The following WWOX variants were observed in gnomAD, a reference collection of about 807,000 sequenced individuals.
WWOX encodes the protein WW domain-containing oxidoreductase.
A neutral mutation model predicts 46.2 loss-of-function variants in WWOX; 69 were observed. The observed-to-expected ratio is 1.49, with a 90% confidence interval of 1.23 to 1.82. The LOEUF is 1.82. Among genes scored for constraint, WWOX ranks in the 40% most tolerant of loss-of-function variants. WWOX has a pLI of 0.00. For synonymous variants in WWOX, 359 were observed against 202.6 expected, an observed-to-expected ratio of 1.77 and a Z score of -6.56; for missense variants, 919 against 542.6, an observed-to-expected ratio of 1.69 and a Z score of -6.89.
Position 78,731,543 on chromosome 16 carries a change from A to G in WWOX, c.1056+298791A>G, listed in dbSNP as rs183768338. On this transcript the variant is annotated intron_variant, in intron 8 of 8. Coordinates refer to ENST00000566780, the MANE Select transcript of WWOX (RefSeq NM_016373.4). The stretch of plus-strand genomic sequence containing the variant: ...TTTTTCCTTTCATTCCTTCTTATCT[A>G]TCCCTTTCTTACCTTCTTTATTTCC... 3.3e-5 allele frequency among the ~76,000 whole-genome samples: 5 copies of G among 152,068 alleles called. No individual in the cohort carries two copies. In the South Asian group the frequency reaches 8.3e-4, roughly 25 times the overall value.
intron 8 of WWOX, among the ~76,000 whole-genome samples, chr16:78,616,314 C>G (rs527548700): frequency 6.6e-6 from 1 of 151,974 alleles, no homozygotes; most frequent in Non-Finnish European, 1.5e-5. Context: ...ATATAAACAA[C>G]GGAAATGTAT....
chr16:78,191,900 T>A (rs2151764497), intron 5 of WWOX, among the ~76,000 whole-genome samples: 1 of 152,332 alleles, frequency 6.6e-6, no homozygotes, highest in East Asian at 1.9e-4. Flanking sequence ...TATTTTTAAA[T>A]TAATCTATTT....
intron 8 of WWOX, among the ~76,000 whole-genome samples, chr16:79,147,715 C>G (rs1333022614): frequency 6.6e-6 from 1 of 152,142 alleles, no homozygotes; most frequent in Non-Finnish European, 1.5e-5. Context: ...ATTTGGTGAT[C>G]TAGTTTCACT....
chr16:79,090,284 T>TGTGC (rs1424634197), intron 8 of WWOX, among the ~76,000 whole-genome samples: 1 of 104,150 alleles, frequency 9.6e-6, no homozygotes, highest in African/African-American at 4.7e-5. Context: ...TGTGTGCGTG[T>TGTGC]GTGTGTGTGT....
intron 6 of WWOX, among the ~76,000 whole-genome samples, chr16:78,413,606 ACTT>A (rs1311681562): frequency 1.3e-5 from 2 of 151,792 alleles, no homozygotes; most frequent in African/African-American, 2.4e-5. Context: ...GGCTATTTTC[ACTT>A]CTTTTGTGGA....
chr16:78,946,303 T>C (rs1986594), intron 8 of WWOX, among the ~76,000 whole-genome samples: 63,059 of 151,806 alleles, frequency 0.42, 13,205 homozygotes, highest in East Asian at 0.46. Context: ...GATTCTCCTG[T>C]CTCAGTCTCC....
chr16:78,135,652 G>A (rs1245159283), intron 4 of WWOX, among the ~76,000 whole-genome samples: 2 of 150,890 alleles, frequency 1.3e-5, no homozygotes, highest in Non-Finnish European at 2.9e-5. Context: ...TTACCAATAG[G>A]CTATGAGAAT....
At chr16:78,782,364 C>G (rs915240228) in intron 8 of WWOX, among the ~76,000 whole-genome samples, 1 of 152,132 alleles carries the variant, frequency 6.6e-6, no homozygotes, top group South Asian at 2.1e-4. Context: ...ACTGTTTTTG[C>G]CACAGCTTCT....
chr16:78,607,038 C>A (rs1001603707), intron 8 of WWOX, among the ~76,000 whole-genome samples: 1 of 151,952 alleles, frequency 6.6e-6, no homozygotes, highest in Non-Finnish European at 1.5e-5. Context: ...ATAGAGTTCC[C>A]CACTTCTCAG....
At chr16:78,994,665 T>A (rs2046951947) in intron 8 of WWOX, among the ~76,000 whole-genome samples, 1 of 152,094 alleles carries the variant, frequency 6.6e-6, no homozygotes. Flanking sequence ...GGAAGCCCAA[T>A]CGCGTCACAC....
Position 79,019,358 on chromosome 16 carries a change from A to T in WWOX, c.1057-192250A>T, listed in dbSNP as rs556250648. ...CACACACACTTAGGCTGTATGGTCT[A>T]GCCTCTTGGTCTTAGCCTACAAAGC... On this transcript the variant is annotated intron_variant, in intron 8 of 8. Coordinates refer to ENST00000566780, the MANE Select transcript of WWOX (RefSeq NM_016373.4). 2.6e-5 allele frequency among the ~76,000 whole-genome samples: 4 copies of T among 152,192 alleles called. No homozygotes were observed. The South Asian group carries it at 8.3e-4, about 32-fold the overall frequency.
chr16:78,695,781 A>G (rs1268460445), intron 8 of WWOX, among the ~76,000 whole-genome samples: 2 of 152,254 alleles, frequency 1.3e-5, no homozygotes, highest in Non-Finnish European at 2.9e-5. Flanking sequence ...CAATAAAAAC[A>G]TATATTGAGC....
At chr16:78,580,299 C>G (rs901362632) in intron 8 of WWOX, among the ~76,000 whole-genome samples, 1 of 152,116 alleles carries the variant, frequency 6.6e-6, no homozygotes, top group African/African-American at 2.4e-5. Flanking sequence ...ACCTCAAACT[C>G]CTGCAGTACA....
At chr16:79,198,325 G>C (rs772487767) in intron 8 of WWOX, among the ~76,000 whole-genome samples, 2 of 152,126 alleles carry the variant, frequency 1.3e-5, no homozygotes, top group African/African-American at 4.8e-5. Context: ...GTGAGAGACA[G>C]ACTGTCTCAA....
intron 8 of WWOX, among the ~76,000 whole-genome samples, chr16:79,068,487 G>C (rs979891709): frequency 1.3e-5 from 2 of 151,932 alleles, no homozygotes; most frequent in Non-Finnish European, 2.9e-5. Context: ...TTTTCAGAAA[G>C]CACTGCACGT....
At chr16:78,653,283 G>C (rs1048761304) in intron 8 of WWOX, among the ~76,000 whole-genome samples, 1 of 151,998 alleles carries the variant, frequency 6.6e-6, no homozygotes, top group African/African-American at 2.4e-5. Context: ...TGGATAGCTA[G>C]GCCATTTATA....
At chr16:78,975,503 A>T (rs2046553801) in intron 8 of WWOX, among the ~76,000 whole-genome samples, 1 of 150,742 alleles carries the variant, frequency 6.6e-6, no homozygotes, top group South Asian at 2.1e-4. Context: ...GAGCCTTTTG[A>T]GATACGACTT....
At chr16:78,317,269 C>G (rs932563326) in intron 5 of WWOX, among the ~76,000 whole-genome samples, 1 of 152,164 alleles carries the variant, frequency 6.6e-6, no homozygotes, top group Admixed American at 6.5e-5. Context: ...GGTGAATTCT[C>G]TCTCTCTCTC....
intron 8 of WWOX, among the ~76,000 whole-genome samples, chr16:78,621,636 G>A (rs1158119530): frequency 3.8e-5 from 2 of 52,300 alleles, no homozygotes; most frequent in Non-Finnish European, 6.9e-5. Context: ...ACAGAGTCTT[G>A]CTCTGTTGTC....
Sources: gnomAD v4.1 joint callset for allele counts (sites outside exome capture counted in the v4.1 genomes callset) on GRCh38, gnomAD v4.1.1 for gene constraint, MANE v1.5 for transcripts, NCBI Gene and HGNC (gene_info 2026-07-23, HGNC 2026-07-21) for gene names.